ASTN2: variants seen among roughly 807,000 people sequenced by gnomAD.
ASTN2 encodes astrotactin 2, also known as astrotactin-2.
Under a neutral mutation model 139.8 loss-of-function variants are expected in ASTN2, and 54 were observed. The observed-to-expected ratio is 0.39, with a 90% CI of 0.31 to 0.48. The LOEUF (loss-of-function observed/expected upper bound fraction) is 0.48. ASTN2 is among the 20% of genes least tolerant of loss of function. The pLI is 0.95. For missense variants in ASTN2, 1,565 were observed against 1,725.1 expected (o/e 0.91, Z 1.64); for synonymous variants, 756 against 719.5 (o/e 1.05, Z -0.81).
At chr9:116,626,812 A>G (rs1396034260) in intron 17 of ASTN2, among the ~76,000 whole-genome samples, 7 of 152,178 alleles carry the variant, frequency 4.6e-5, no homozygotes, top group African/African-American at 1.4e-4. Context: ...GGAATTGATG[A>G]ACACAGGAAG....
At chr9:117,411,553 C>T (rs551398519) in intron 1 of ASTN2, among the ~76,000 whole-genome samples, 1 of 151,396 alleles carries the variant, frequency 6.6e-6, no homozygotes, top group East Asian at 1.9e-4. Flanking sequence ...ATGAAGGTGA[C>T]CTTGGTGCAC....
intron 5 of ASTN2, among the ~76,000 whole-genome samples, chr9:117,093,668 T>C (rs1258504995): frequency 1.3e-5 from 2 of 152,144 alleles, no homozygotes; most frequent in Non-Finnish European, 2.9e-5. Flanking sequence ...TCATGAAGAA[T>C]TGCGGGACTT....
chr9:117,026,638 C>T (rs1838093195), intron 6 of ASTN2, among the ~76,000 whole-genome samples: 1 of 152,074 alleles, frequency 6.6e-6, no homozygotes, highest in Non-Finnish European at 1.5e-5. Context: ...CTTATGAACT[C>T]AATATGGCAG....
intron 2 of ASTN2, among the ~76,000 whole-genome samples, chr9:117,247,681 C>T (rs555996317): frequency 1.3e-5 from 2 of 152,376 alleles, no homozygotes; most frequent in East Asian, 3.9e-4. Flanking sequence ...GGTGACAGGC[C>T]CACAGCCCAC....
intron 4 of ASTN2, among the ~76,000 whole-genome samples, chr9:117,121,955 C>A (rs948289417): frequency 3.9e-5 from 6 of 152,184 alleles, no homozygotes; most frequent in Non-Finnish European, 8.8e-5. Context: ...AGATCCAATA[C>A]CATCCCATCA....
chr9:117,154,067 C>T (rs1221510668), intron 3 of ASTN2, among the ~76,000 whole-genome samples: 1 of 151,956 alleles, frequency 6.6e-6, no homozygotes, highest in Non-Finnish European at 1.5e-5. Context: ...GCAAATCTTC[C>T]CAGTGCAATA....
intron 11 of ASTN2, among the ~76,000 whole-genome samples, chr9:116,863,010 G>A (rs570875009): frequency 6.6e-6 from 1 of 152,000 alleles, no homozygotes; most frequent in East Asian, 1.9e-4. Flanking sequence ...CTTGTCCCAC[G>A]CTAGATACTA....
rs748550947 is a variant in ASTN2, at chr9:117,214,660, C to T, written c.713G>A (p.Arg238His). ...YAQRRWQKRR[R>H]IPQKSASTEA... is the part of the protein sequence containing the mutation. The stretch of plus-strand genomic sequence containing the variant: ...TGTGCTTGCGCTCTTCTGGGGGATG[C>T]GGCGACGCTTCTGCCAACGTCGCTG... Residue 238 changes from arginine to histidine, a missense_variant, in exon 3 of 23, where the codon CGC becomes CAC. Arg to His is a conservative substitution (Grantham distance 29). This residue lies in a region of ASTN2 where 596 missense variants were observed against 576.8 expected (regional missense o/e 1.03). Transcript: ENST00000313400. 7 of 1,544,262 alleles carry T rather than the reference C, an allele frequency of 4.5e-6. No individual in the cohort carries two copies. Among genetic ancestry groups the T allele is most frequent in the African/African-American group, 1.4e-5 (1 of 73,692 alleles).
chr9:117,253,100 G>A (rs1833582867), intron 2 of ASTN2, among the ~76,000 whole-genome samples: 1 of 152,032 alleles, frequency 6.6e-6, no homozygotes, highest in African/African-American at 2.4e-5. Context: ...TGATATATTG[G>A]GCAGTCATTG....
At chr9:116,540,953 G>A (rs947773335) in intron 19 of ASTN2, among the ~76,000 whole-genome samples, 4 of 151,202 alleles carry the variant, frequency 2.6e-5, no homozygotes, top group Non-Finnish European at 5.9e-5. Context: ...TTTTACAAAA[G>A]TTTTTCCCCT....
At chr9:116,445,430 T>C (rs1490376874) in intron 20 of ASTN2, among the ~76,000 whole-genome samples, 1 of 152,216 alleles carries the variant, frequency 6.6e-6, no homozygotes, top group Non-Finnish European at 1.5e-5. Flanking sequence ...ATAGAATATA[T>C]GAATGAAAGT....
At chr9:116,899,442 C>A (rs1263196076) in intron 10 of ASTN2, among the ~76,000 whole-genome samples, 1 of 152,194 alleles carries the variant, frequency 6.6e-6, no homozygotes, top group Non-Finnish European at 1.5e-5. Context: ...ATGTTGCCTT[C>A]ATGAATAAAT....
intron 20 of ASTN2, among the ~76,000 whole-genome samples, chr9:116,486,349 G>C (rs959691444): frequency 1.3e-5 from 2 of 152,194 alleles, no homozygotes; most frequent in East Asian, 3.8e-4. Flanking sequence ...AGTAATTGAT[G>C]AATGAATAAA....
At chr9:117,171,924 A>G (rs550410281) in intron 3 of ASTN2, among the ~76,000 whole-genome samples, 1 of 152,266 alleles carries the variant, frequency 6.6e-6, no homozygotes, top group South Asian at 2.1e-4. Context: ...GTAAATTCAT[A>G]TAAGGGGACA....
At chr9:117,003,953 C>CGCGTGTGTGTGTGTGTGTGT (rs1218309835) in intron 7 of ASTN2, among the ~76,000 whole-genome samples, 1 of 146,224 alleles carries the variant, frequency 6.8e-6, no homozygotes, top group African/African-American at 2.6e-5. Context: ...CGCGCGCGCG[C>CGCGTGTGTGTGTGTGTGTGT]GTGTGTGTGT....
At chr9:116,670,583 C>G (rs563269718) in intron 16 of ASTN2, among the ~76,000 whole-genome samples, 78 of 152,310 alleles carry the variant, frequency 5.1e-4, no homozygotes, top group African/African-American at 1.8e-3. Context: ...AGGAGACTGT[C>G]TCTTTGTCTG....
At chr9:117,061,772 C>T (rs10983487) in intron 5 of ASTN2, among the ~76,000 whole-genome samples, 74,186 of 151,588 alleles carry the variant, frequency 0.49, 18,998 homozygotes, top group Non-Finnish European at 0.58. Context: ...GGAGAGAAGG[C>T]TCTCAATTCA....
intron 16 of ASTN2, among the ~76,000 whole-genome samples, chr9:116,694,143 A>G (rs1239214352): frequency 6.6e-6 from 1 of 152,210 alleles, no homozygotes; most frequent in African/African-American, 2.4e-5. Context: ...GGATGTGGGC[A>G]TAGTAAATTC....
At position 117,305,498 on chromosome 9, in the gene ASTN2, G is replaced by A. The variant is rs577490210; in HGVS notation, c.443-13985C>T. On this transcript the variant is annotated intron_variant, in intron 1 of 22. Coordinates refer to ENST00000313400, the MANE Select transcript of ASTN2 (RefSeq NM_001365068.1). Reference sequence around the variant, plus strand: ...ACTCAAGCTCTAAAACCAGCCACCTGGATTCCCACCTCTGCCACTCTATTA... The same window carrying A: ...ACTCAAGCTCTAAAACCAGCCACCTAGATTCCCACCTCTGCCACTCTATTA... Among the ~76,000 whole-genome samples the A allele has an allele frequency of 7.2e-5, 11 of 152,226 alleles. No homozygotes were observed. The East Asian group carries it at 1.2e-3, about 16-fold the overall frequency.
Sources: allele counts gnomAD v4.1 joint callset (sites outside exome capture counted in the v4.1 genomes callset), GRCh38; gene constraint gnomAD v4.1.1; regional missense constraint gnomAD v4.1.1; transcripts MANE v1.5; gene names NCBI Gene and HGNC (gene_info 2026-07-23, HGNC 2026-07-21).